Variants in GSE1 observed in about 807,000 individuals in gnomAD.
GSE1 encodes Gse1 coiled-coil protein.
In GSE1, 32 loss-of-function variants were observed where a neutral mutation model predicts 112.6. That is an observed-to-expected ratio of 0.28 (90% CI 0.21 to 0.38). The LOEUF is 0.38. GSE1 is among the 10% of genes least tolerant of loss of function. The probability of loss-of-function intolerance (pLI) is 1.00; values close to 1 mark genes in which losing one functional copy is unlikely to be tolerated. For missense variants in GSE1, 2,348 were observed against 1,699.2 expected (o/e 1.38, Z -6.71); for synonymous variants, 1,115 against 735.6 (o/e 1.52, Z -8.35).
At chr16:85,354,490 G>A (rs1452479496) in intron 1 of GSE1, among the ~76,000 whole-genome samples, 2 of 152,240 alleles carry the variant, frequency 1.3e-5, no homozygotes, top group Admixed American at 6.5e-5. Flanking sequence ...CACCACAGCC[G>A]TGTTTGCTGC....
intron 1 of GSE1, among the ~76,000 whole-genome samples, chr16:85,201,377 G>A (rs1185715218): frequency 2.7e-5 from 4 of 149,028 alleles, no homozygotes; most frequent in Middle Eastern, 3.5e-3. Flanking sequence ...TGAACGTGAA[G>A]CCGGGCACGA....
rs1179155489 is a variant in GSE1, at chr16:85,415,262, T to A, written c.2464+57619T>A. On this transcript the variant is annotated intron_variant, in intron 2 of 2. Transcript: ENST00000637419. ...GCCAGGACTTAATTTTATATTTGTG[T>A]ACCTTGTTTTCTCATCTTTTGGGTC... Among the ~76,000 whole-genome samples the A allele has an allele frequency of 2.0e-5, 3 of 152,228 alleles. No homozygotes were observed. In the East Asian group the frequency reaches 5.8e-4, roughly 29 times the overall value.
In GSE1 at chr16:85,372,833, G is replaced by T. The variant is rs545695050; in HGVS notation, c.2464+15190G>T. On this transcript the variant is annotated intron_variant, in intron 2 of 2. Coordinates refer to the GSE1 transcript ENST00000637419. ...GTTCACCAAATCCTCACCACACCCTGGGAGGTGGGCAGGCTCCTCCCCCTT... is the reference window on the plus strand; with the variant it reads ...GTTCACCAAATCCTCACCACACCCTTGGAGGTGGGCAGGCTCCTCCCCCTT... Among the ~76,000 whole-genome samples the T allele has an allele frequency of 6.6e-5, 10 of 152,268 alleles. No individual in the cohort carries two copies. The South Asian group carries it at 1.2e-3, about 19-fold the overall frequency.
At chr16:85,171,734 T>C in exon 1 of GSE1, 2 of 985,630 alleles carry the variant, frequency 2.0e-6, no homozygotes, top group South Asian at 4.7e-5. Context: ...TGTGGGACCC[T>C]GGTGTGTGCG....
At chr16:85,554,433 C>T (rs2045094732), upstream of GSE1, among the ~76,000 whole-genome samples, 1 of 152,120 alleles carries the variant, frequency 6.6e-6, no homozygotes. Context: ...TTGCAGAATC[C>T]CAGTAATAGC....
intron 1 of GSE1, among the ~76,000 whole-genome samples, chr16:85,230,831 CTAGA>C (rs1181393822): frequency 3.5e-5 from 5 of 141,688 alleles, no homozygotes; most frequent in East Asian, 2.0e-4. Flanking sequence ...GTGTGGAAGA[CTAGA>C]TGGATGGATG....
chr16:85,672,247 G>T, intron 15 of GSE1, 158 bp from the exon 16 acceptor site: 1 of 621,544 alleles, frequency 1.6e-6, no homozygotes, highest in East Asian at 2.9e-5. Flanking sequence ...TGCCCGCCTC[G>T]ACCTCCAAAA....
chr16:85,568,782 C>G (rs570755677), intron 1 of GSE1, among the ~76,000 whole-genome samples: 9 of 152,282 alleles, frequency 5.9e-5, no homozygotes, highest in African/African-American at 2.2e-4. Context: ...GGGGCCAGCT[C>G]AAGATGGGAG....
intron 2 of GSE1, among the ~76,000 whole-genome samples, chr16:85,517,445 A>G (rs1281429863): frequency 6.6e-6 from 1 of 152,238 alleles, no homozygotes; most frequent in Admixed American, 6.5e-5. Flanking sequence ...GTAACACATT[A>G]GTGCCCGTAT....
At chr16:85,516,693 T>A (rs1488661171) in intron 2 of GSE1, among the ~76,000 whole-genome samples, 5 of 151,506 alleles carry the variant, frequency 3.3e-5, no homozygotes, top group Admixed American at 6.6e-5. Flanking sequence ...AAGGCCCCCC[T>A]GCCATTTTTT....
chr16:85,672,464 G>T lies in GSE1; in HGVS notation c.3579G>T (p.Leu1193=). Residue 1193 remains leucine (L), a synonymous_variant, in exon 16 of 16, where the codon CTG becomes CTT. Transcript: ENST00000253458. ...VSERERLQAE[L]DHLRKCLALP... ...AAAGGGAGCGGCTCCAGGCAGAACT[G>T]GACCACTTACGAAAGTGCCTTGCCT... 1 of 1,610,346 alleles carries T rather than the reference G, an allele frequency of 6.2e-7. No individual in the cohort carries two copies.
intron 1 of GSE1, among the ~76,000 whole-genome samples, chr16:85,356,840 A>G (rs913671533): frequency 7.2e-5 from 11 of 152,152 alleles, no homozygotes; most frequent in East Asian, 1.9e-4. Flanking sequence ...TTGCTCAGAG[A>G]GGTGAGGGGC....
intron 1 of GSE1, among the ~76,000 whole-genome samples, chr16:85,312,802 G>A (rs988535835): frequency 2.0e-5 from 3 of 152,018 alleles, no homozygotes; most frequent in African/African-American, 7.3e-5. Context: ...GGCAGGAGGA[G>A]GAGGAGGTCT....
At chr16:85,371,493 A>G (rs1442013251) in intron 2 of GSE1, among the ~76,000 whole-genome samples, 1 of 152,158 alleles carries the variant, frequency 6.6e-6, no homozygotes, top group African/African-American at 2.4e-5. Context: ...GACCTCAGGG[A>G]CAGGCATAAT....
At chr16:85,663,227 C>A in intron 10 of GSE1, 117 bp from the exon 11 acceptor site, 3 of 1,341,190 alleles carry the variant, frequency 2.2e-6, no homozygotes, top group Non-Finnish European at 3.1e-6. Flanking sequence ...GCTCTTCTCC[C>A]ACCAGGCGCA....
intron 1 of GSE1, among the ~76,000 whole-genome samples, chr16:85,226,878 G>A (rs2075497547): frequency 6.6e-6 from 1 of 151,052 alleles, no homozygotes; most frequent in African/African-American, 2.4e-5. Flanking sequence ...ACTTGGTGAG[G>A]CTGGGGGAAG....
At chr16:85,253,972 G>T (rs1906794938) in intron 1 of GSE1, among the ~76,000 whole-genome samples, 1 of 152,228 alleles carries the variant, frequency 6.6e-6, no homozygotes, top group South Asian at 2.1e-4. Context: ...GATGTCTGGA[G>T]CATCGTGTCT....
intron 1 of GSE1, among the ~76,000 whole-genome samples, chr16:85,182,985 C>G (rs9922068): frequency 0.063 from 9,555 of 152,284 alleles, 1,001 homozygotes; most frequent in African/African-American, 0.22. Context: ...CACCCACACA[C>G]TTGTATGCAT....
intron 2 of GSE1, among the ~76,000 whole-genome samples, chr16:85,542,912 T>C (rs1452550538): frequency 6.6e-6 from 1 of 152,200 alleles, no homozygotes; most frequent in Admixed American, 6.5e-5. Context: ...AGCCACTGTT[T>C]TTAGCGTAAA....
Sources: allele counts gnomAD v4.1 joint callset (sites outside exome capture counted in the v4.1 genomes callset), GRCh38; gene constraint gnomAD v4.1.1; transcripts MANE v1.5; gene names NCBI Gene and HGNC (gene_info 2026-07-23, HGNC 2026-07-21).